Variants in VPS26A observed in about 807,000 individuals in gnomAD.
VPS26A encodes vacuolar protein sorting-associated protein 26A.
A neutral mutation model predicts 42.4 loss-of-function variants in VPS26A; 22 were observed. The ratio of observed to expected loss-of-function variants is 0.52; its 90% CI spans 0.37 to 0.74. The LOEUF is 0.74. Among genes scored for constraint, VPS26A ranks in the 30% least tolerant of loss-of-function variants. The probability of loss-of-function intolerance (pLI) is 0.00; values close to 1 mark genes in which losing one functional copy is unlikely to be tolerated. For missense variants in VPS26A, 276 were observed against 379.2 expected (o/e 0.73, Z 2.26); for synonymous variants, 110 against 123.5 (o/e 0.89, Z 0.73).
intron 2 of VPS26A, among the ~76,000 whole-genome samples, chr10:69,150,725 T>G (rs1303557730): frequency 2.6e-5 from 4 of 152,134 alleles, no homozygotes; most frequent in Non-Finnish European, 4.4e-5. Flanking sequence ...AGGAAATACA[T>G]ATGAAATGTT....
At chr10:69,148,837 G>A (rs202245964) in intron 2 of VPS26A, among the ~76,000 whole-genome samples, 6 of 148,946 alleles carry the variant, frequency 4.0e-5, no homozygotes, top group Admixed American at 6.8e-5. Context: ...CTCACTGCAA[G>A]CTCTGCCTCC....
intron 3 of VPS26A, 48 bp downstream of exon 3, chr10:69,155,935 G>T: frequency 6.9e-7 from 1 of 1,450,258 alleles, no homozygotes; most frequent in South Asian, 1.2e-5. Flanking sequence ...AACTGAATTT[G>T]AAGAGGGTTG....
At chr10:69,126,650 C>T (rs985553346) in intron 1 of VPS26A, among the ~76,000 whole-genome samples, 7 of 151,808 alleles carry the variant, frequency 4.6e-5, no homozygotes, top group African/African-American at 1.5e-4. Flanking sequence ...ATTCTCTTTC[C>T]TTCTAGTCTT....
intron 7 of VPS26A, 143 bp downstream of exon 7, chr10:69,166,253 A>G: frequency 1.4e-6 from 1 of 719,552 alleles, no homozygotes; most frequent in Non-Finnish European, 2.3e-6. Context: ...ATCTTTGTAC[A>G]GCTGCAAAGA....
intron 2 of VPS26A, among the ~76,000 whole-genome samples, chr10:69,155,128 C>T (rs1455677536): frequency 1.2e-4 from 15 of 125,926 alleles, no homozygotes; most frequent in Non-Finnish European, 3.4e-5. Context: ...CCAGCCTAAG[C>T]AACAGAGTCC....
At chr10:69,159,875 T>G (rs1167320497) in intron 5 of VPS26A, among the ~76,000 whole-genome samples, 1 of 152,140 alleles carries the variant, frequency 6.6e-6, no homozygotes, top group African/African-American at 2.4e-5. Flanking sequence ...CTTAAATTTT[T>G]TAATTTATAG....
chr10:69,157,780 A>G (rs1395240425), intron 4 of VPS26A, among the ~76,000 whole-genome samples: 1 of 152,210 alleles, frequency 6.6e-6, no homozygotes, highest in Non-Finnish European at 1.5e-5. Flanking sequence ...AGTGATCTGG[A>G]GAGGTTTCTT....
In VPS26A at chr10:69,151,272, A is replaced by AC. The variant is rs1841303457; in HGVS notation, c.154-4540_154-4539insC. On this transcript the variant is annotated intron_variant, in intron 2 of 8. Coordinates refer to ENST00000263559, the MANE Select transcript of VPS26A (RefSeq NM_004896.5). The stretch of plus-strand genomic sequence containing the variant: ...AGAGTGAGACTCCATGTCAAAAAAA[A>AC]AAAAAAAAAAACACACACACACACA... 7.4e-5 allele frequency among the ~76,000 whole-genome samples: 6 copies of AC among 81,554 alleles called. No homozygotes were observed. The East Asian group carries it at 8.0e-4, about 11-fold the overall frequency. 53.5% of individuals were successfully genotyped at this position (81,554 alleles called of 152,430 possible).
Position 69,125,121 on chromosome 10 carries a change from G to A in VPS26A, c.3+841G>A, listed in dbSNP as rs182895674. Among the ~76,000 whole-genome samples, 12 of 152,236 alleles carry A rather than the reference G, an allele frequency of 7.9e-5. 1 individual carries two copies. The highest frequency in any genetic ancestry group is 2.0e-4 in the Admixed American group (3 of 15,284). ...TAGTCGTCAGTTCTCTTCATTTAGC[G>A]CCTACTGTATGCTCTCCTAATACTA... On this transcript the variant is annotated intron_variant, in intron 1 of 8. Transcript: ENST00000263559.
intron 2 of VPS26A, among the ~76,000 whole-genome samples, chr10:69,150,258 G>C (rs1261339302): frequency 6.6e-6 from 1 of 151,286 alleles, no homozygotes; most frequent in Non-Finnish European, 1.5e-5. Context: ...GTTTCACCAT[G>C]TTGGTCAGGC....
At chr10:69,151,284 C>CAAAAACAAAAAAAA (rs1162179375) in intron 2 of VPS26A, among the ~76,000 whole-genome samples, 1,290 of 111,806 alleles carry the variant, frequency 0.012, 13 homozygotes, top group Non-Finnish European at 0.015. Context: ...AAAAAAAAAA[C>CAAAAACAAAAAAAA]ACACACACAC....
In VPS26A at chr10:69,171,289, G is replaced by A. The variant is rs762584539; in HGVS notation, c.*20G>A. 5.6e-6 allele frequency: 9 copies of A among 1,593,252 alleles called. No individual in the cohort carries two copies. In the Admixed American group the frequency reaches 7.3e-5, roughly 13 times the overall value. ...ATGTGAACTGAACAGGAGAAAAAAA[G>A]AAAAGCAAAAAACTCCTGTAACCCT... On this transcript the variant is annotated 3_prime_UTR_variant, in exon 9 of 9. Transcript: ENST00000263559.
intron 2 of VPS26A, among the ~76,000 whole-genome samples, chr10:69,135,904 TC>T (rs1331075677): frequency 2.0e-5 from 3 of 152,200 alleles, no homozygotes; most frequent in Non-Finnish European, 4.4e-5. Context: ...TCCATCACAC[TC>T]CCATCCCCTC....
chr10:69,139,074 T>C (rs946590488), intron 2 of VPS26A, among the ~76,000 whole-genome samples: 1 of 152,222 alleles, frequency 6.6e-6, no homozygotes, highest in Non-Finnish European at 1.5e-5. Flanking sequence ...TAACTGTTCA[T>C]ATAGTGTGCA....
At chr10:69,145,126 C>T (rs1296351239) in intron 2 of VPS26A, among the ~76,000 whole-genome samples, 1 of 151,982 alleles carries the variant, frequency 6.6e-6, no homozygotes, top group African/African-American at 2.4e-5. Context: ...ACCTCCGCGT[C>T]CCGGGTTCAA....
chr10:69,124,228 T>A lies in VPS26A; in HGVS notation c.-50T>A, dbSNP rs753678912. 7.8e-7 allele frequency: 1 copy of A among 1,279,846 alleles called. No individual in the cohort carries two copies. Among genetic ancestry groups the A allele is most frequent in the Non-Finnish European group, 9.9e-7 (1 of 1,007,872 alleles). 79.3% of individuals were successfully genotyped at this position (1,279,846 alleles called of 1,614,324 possible). On this transcript the variant is annotated 5_prime_UTR_variant, in exon 1 of 9. Coordinates refer to ENST00000263559, the MANE Select transcript of VPS26A (RefSeq NM_004896.5). ...CGGAGGGAGCCGGGGCTGGGAGTTC[T>A]CCTGAGGGAAGAGGAGTGGAGTAGG...
At chr10:69,140,572 A>G (rs1841019245) in intron 2 of VPS26A, among the ~76,000 whole-genome samples, 1 of 151,978 alleles carries the variant, frequency 6.6e-6, no homozygotes, top group Non-Finnish European at 1.5e-5. Context: ...TGGGGTAGAT[A>G]CGGGGTTTCA....
chr10:69,140,556 G>A (rs915383726), intron 2 of VPS26A, among the ~76,000 whole-genome samples: 4 of 151,394 alleles, frequency 2.6e-5, no homozygotes, highest in African/African-American at 9.7e-5. Context: ...ATTATTTTTG[G>A]TATTTTGGGG....
chr10:69,167,439 AAAAAG>A (rs869198736), intron 7 of VPS26A, among the ~76,000 whole-genome samples: 167 of 145,220 alleles, frequency 1.1e-3, no homozygotes, highest in Admixed American at 3.5e-3. Context: ...AAAGAAAAAG[AAAAAG>A]AAAAAAAAAA....
Sources: allele counts gnomAD v4.1 joint callset (sites outside exome capture counted in the v4.1 genomes callset), GRCh38; gene constraint gnomAD v4.1.1; transcripts MANE v1.5; gene names NCBI Gene and HGNC (gene_info 2026-07-23, HGNC 2026-07-21).